CCDC172: variants seen among roughly 807,000 people sequenced by gnomAD.
CCDC172 encodes coiled-coil domain-containing protein 172.
A neutral mutation model predicts 38.0 loss-of-function variants in CCDC172; 30 were observed. The ratio of observed to expected loss-of-function variants is 0.79; its 90% confidence interval spans 0.59 to 1.07. The LOEUF (loss-of-function observed/expected upper bound fraction) is 1.07, where lower values mean the gene tolerates loss of function less well. Among genes scored for constraint, CCDC172 ranks in the 50% least tolerant of loss-of-function variants. The pLI is 0.00. For missense variants in CCDC172, 297 were observed against 290.1 expected (o/e 1.02, Z -0.17); for synonymous variants, 78 against 88.3 (o/e 0.88, Z 0.66).
At chr10:116,325,464 G>T in intron 3 of CCDC172, 76 bp downstream of exon 3, 1 of 1,115,970 alleles carries the variant, frequency 9.0e-7, no homozygotes, top group Non-Finnish European at 1.3e-6. Flanking sequence ...ATATTTCAGT[G>T]TTTAACCAGT....
At chr10:116,334,540 AAT>A (rs1018704413) in intron 3 of CCDC172, among the ~76,000 whole-genome samples, 6 of 152,076 alleles carry the variant, frequency 3.9e-5, no homozygotes, top group African/African-American at 1.4e-4. Flanking sequence ...CATCTGAGTA[AAT>A]ATATATATAA....
At chr10:116,326,815 A>G (rs1042382680) in intron 3 of CCDC172, among the ~76,000 whole-genome samples, 2 of 152,156 alleles carry the variant, frequency 1.3e-5, no homozygotes, top group Non-Finnish European at 2.9e-5. Flanking sequence ...TAATAGTTTG[A>G]TAGATAATAG....
intron 3 of CCDC172, among the ~76,000 whole-genome samples, chr10:116,337,378 C>T (rs977787288): frequency 2.0e-5 from 3 of 152,076 alleles, no homozygotes; most frequent in Non-Finnish European, 2.9e-5. Context: ...TCTCAAACTC[C>T]TGACCAGGTG....
chr10:116,339,905 A>G (rs551991851), intron 3 of CCDC172, among the ~76,000 whole-genome samples: 1 of 151,944 alleles, frequency 6.6e-6, no homozygotes, highest in Non-Finnish European at 1.5e-5. Context: ...TGCTTTCTGC[A>G]ATTTAAGTTG....
intron 5 of CCDC172, among the ~76,000 whole-genome samples, chr10:116,350,929 CAAT>C (rs1844923577): frequency 6.6e-6 from 1 of 151,948 alleles, no homozygotes; most frequent in South Asian, 2.1e-4. Flanking sequence ...AATAGTGAGG[CAAT>C]AAACAAGTAG....
rs745532846 is a variant in CCDC172 at position 116,378,427 on chromosome 10, A to T, written c.658A>T (p.Lys220Ter). ...PQNDTECLRL[K>*]KELELYKEDD... Reference sequence around the variant, plus strand: ...TGAAATTTTCTTTTAAAATAGACTTAAAAAAGAATTAGAACTTTATAAGGA... The same window carrying T: ...TGAAATTTTCTTTTAAAATAGACTTTAAAAAGAATTAGAACTTTATAAGGA... Residue 220 changes from lysine to a stop codon, truncating the protein, a stop_gained, in exon 8 of 9, where the codon AAA (lysine) becomes TAA (stop). Coordinates refer to ENST00000333254, the MANE Select transcript of CCDC172 (RefSeq NM_198515.3). LOFTEE classifies it high-confidence loss of function. The T allele has an allele frequency of 6.3e-6, 10 of 1,588,418 alleles. No individual in the cohort carries two copies. The highest frequency in any genetic ancestry group is 1.8e-5 in the Admixed American group (1 of 54,604).
chr10:116,374,978 C>T (rs1211661172), intron 7 of CCDC172, among the ~76,000 whole-genome samples: 4 of 150,470 alleles, frequency 2.7e-5, no homozygotes, highest in Non-Finnish European at 5.9e-5. Flanking sequence ...ACACCTGGTA[C>T]TGCCTATCTT....
intron 5 of CCDC172, among the ~76,000 whole-genome samples, chr10:116,350,649 A>G (rs1480370837): frequency 6.6e-6 from 1 of 151,934 alleles, no homozygotes; most frequent in East Asian, 1.9e-4. Flanking sequence ...TGTTGAATTC[A>G]TTTTTCTTAG....
At chr10:116,326,590 CTTCT>C (rs1177836523) in intron 3 of CCDC172, among the ~76,000 whole-genome samples, 2 of 152,124 alleles carry the variant, frequency 1.3e-5, no homozygotes, top group African/African-American at 4.8e-5. Context: ...CCAATAAAGC[CTTCT>C]TTATTTATAC....
At chr10:116,351,469 C>G (rs1246890720) in intron 5 of CCDC172, among the ~76,000 whole-genome samples, 3 of 152,116 alleles carry the variant, frequency 2.0e-5, no homozygotes, top group Non-Finnish European at 4.4e-5. Flanking sequence ...TCTTGAGCAT[C>G]TACTGTATAT....
intron 3 of CCDC172, among the ~76,000 whole-genome samples, chr10:116,335,563 C>A (rs1844719993): frequency 6.6e-6 from 1 of 151,886 alleles, no homozygotes; most frequent in South Asian, 2.1e-4. Flanking sequence ...GCACTAATTT[C>A]ATGTTGTAAT....
chr10:116,374,465 A>G (rs1389573392), intron 7 of CCDC172, among the ~76,000 whole-genome samples: 3 of 150,962 alleles, frequency 2.0e-5, no homozygotes, highest in Non-Finnish European at 2.9e-5. Flanking sequence ...TCTGTGCCTA[A>G]TTTATAAATT....
chr10:116,375,354 G>A (rs1408108609), intron 7 of CCDC172, among the ~76,000 whole-genome samples: 3 of 151,840 alleles, frequency 2.0e-5, no homozygotes, highest in Non-Finnish European at 4.4e-5. Context: ...ATGCAGATTT[G>A]TTACATAGGT....
chr10:116,332,545 T>C (rs558701689), intron 3 of CCDC172, among the ~76,000 whole-genome samples: 5 of 152,284 alleles, frequency 3.3e-5, no homozygotes, highest in African/African-American at 4.8e-5. Flanking sequence ...AATTATTGAG[T>C]CAAACCTTTT....
At chr10:116,344,904 T>G (rs1844847419) in intron 5 of CCDC172, among the ~76,000 whole-genome samples, 1 of 151,500 alleles carries the variant, frequency 6.6e-6, no homozygotes, top group South Asian at 2.1e-4. Context: ...ACATGCACAT[T>G]AGGCTTACAC....
At chr10:116,361,128 G>A (rs1303676929) in intron 7 of CCDC172, among the ~76,000 whole-genome samples, 1 of 150,676 alleles carries the variant, frequency 6.6e-6, no homozygotes, top group Non-Finnish European at 1.5e-5. Context: ...GGGATTACAG[G>A]CATGCACCGC....
intron 3 of CCDC172, among the ~76,000 whole-genome samples, chr10:116,328,424 T>A (rs1037579722): frequency 2.6e-5 from 4 of 152,112 alleles, no homozygotes; most frequent in Non-Finnish European, 4.4e-5. Flanking sequence ...AATTAAGGAC[T>A]GACAGAACAT....
intron 3 of CCDC172, among the ~76,000 whole-genome samples, chr10:116,337,311 C>A (rs1290901300): frequency 6.6e-6 from 1 of 151,978 alleles, no homozygotes; most frequent in Non-Finnish European, 1.5e-5. Context: ...CCCCACCACA[C>A]CTGGCTGATT....
At chr10:116,353,201 AAG>A (rs2134942122) in intron 5 of CCDC172, among the ~76,000 whole-genome samples, 1 of 152,172 alleles carries the variant, frequency 6.6e-6, no homozygotes, top group African/African-American at 2.4e-5. Flanking sequence ...TCAAAAAAAA[AAG>A]AATAAATGTG....
Sources: gnomAD v4.1 joint callset for allele counts (sites outside exome capture counted in the v4.1 genomes callset) on GRCh38, gnomAD v4.1.1 for gene constraint, MANE v1.5 for transcripts, NCBI Gene and HGNC (gene_info 2026-07-23, HGNC 2026-07-21) for gene names.